Variants in RIF1 observed in about 807,000 individuals in gnomAD.
The protein encoded by RIF1 is telomere-associated protein RIF1.
A neutral mutation model predicts 247.1 loss-of-function variants in RIF1; 45 were observed. The ratio of observed to expected loss-of-function variants is 0.18; its 90% CI spans 0.14 to 0.23. The LOEUF (loss-of-function observed/expected upper bound fraction) is 0.23, where lower values mean the gene tolerates loss of function less well. Among genes scored for constraint, RIF1 ranks in the 10% least tolerant of loss-of-function variants. The probability of loss-of-function intolerance (pLI) is 1.00; values close to 1 mark genes in which losing one functional copy is unlikely to be tolerated. For synonymous variants in RIF1, 1,087 were observed against 978.8 expected (o/e 1.11, Z -2.06); for missense variants, 2,967 against 2,862.5 (o/e 1.04, Z -0.83).
intron 9 of RIF1, chr2:151,492,712 C>T: frequency 5.4e-6 from 2 of 367,850 alleles, no homozygotes; most frequent in Non-Finnish European, 9.8e-6. Context: ...GAAAATGAAA[C>T]TCATTTTCAA....
the RIF1 span, chr2:151,525,140 G>T: frequency 1.3e-6 from 2 of 1,533,070 alleles, no homozygotes; most frequent in Non-Finnish European, 1.8e-6. Flanking sequence ...GGGCCCCCAA[G>T]AGTGTTGAGA....
At chr2:151,416,983 G>T in intron 6 of RIF1, 82 bp downstream of exon 6, 1 of 1,039,568 alleles carries the variant, frequency 9.6e-7, no homozygotes. Context: ...ATTTAAATGA[G>T]AGACAGACAT....
the RIF1 span, among the ~76,000 whole-genome samples, chr2:151,514,007 A>G: frequency 5.4e-4 from 83 of 152,394 alleles, no homozygotes; most frequent in African/African-American, 2.0e-3. Flanking sequence ...CTAAGATTAC[A>G]CTTAGGTGCA....
At chr2:151,472,210 A>G (rs928868664) in intron 34 of RIF1, among the ~76,000 whole-genome samples, 1 of 152,118 alleles carries the variant, frequency 6.6e-6, no homozygotes, top group African/African-American at 2.4e-5. Flanking sequence ...TGATTTTTGC[A>G]CATTGATTTT....
Position 151,438,709 on chromosome 2 carries a change from G to A in RIF1, c.1509G>A (p.Lys503=), listed in dbSNP as rs1243403700. ...APDVVVSAIW[K]ELISLVKSVT... ...ATGTGGTTGTCAGTGCTATCTGGAA[G>A]GAGCTAATTAGCTTGGTGAAGTCAG... The change falls in exon 14 of 36, where the codon AAG becomes AAA. Residue 503 remains lysine (K), a synonymous_variant. Transcript: ENST00000444746. The A allele has an allele frequency of 2.5e-6, 4 of 1,612,964 alleles. No individual in the cohort carries two copies. Among genetic ancestry groups the A allele is most frequent in the Non-Finnish European group, 3.4e-6 (4 of 1,178,984 alleles).
At chr2:151,417,170 ATATCT>A (rs1343907315) in intron 6 of RIF1, among the ~76,000 whole-genome samples, 1 of 152,196 alleles carries the variant, frequency 6.6e-6, no homozygotes, top group African/African-American at 2.4e-5. Flanking sequence ...GGTTTGAAAA[ATATCT>A]TAAAGTTTGT....
intron 2 of RIF1, 70 bp downstream of exon 2, chr2:151,410,597 G>A: frequency 8.1e-7 from 1 of 1,239,374 alleles, no homozygotes; most frequent in Non-Finnish European, 1.2e-6. Flanking sequence ...GTGGTTGGGA[G>A]GGGCGCGTAG....
intron 21 of RIF1, among the ~76,000 whole-genome samples, chr2:151,451,919 A>G (rs1694380149): frequency 6.6e-6 from 1 of 152,054 alleles, no homozygotes; most frequent in Non-Finnish European, 1.5e-5. Flanking sequence ...TATCTCTATC[A>G]CACAAAATTT....
At chr2:151,492,494 C>T (rs768906941) in intron 9 of RIF1, 1 of 1,606,344 alleles carries the variant, frequency 6.2e-7, no homozygotes, top group Non-Finnish European at 8.5e-7. Flanking sequence ...GAATAAAGAA[C>T]CTGATGCAGG....
At position 151,420,364 on chromosome 2, in the gene RIF1, G is replaced by C. The variant is rs766448347; in HGVS notation, c.678G>C (p.Glu226Asp). The C allele has an allele frequency of 6.2e-7, 1 of 1,614,066 alleles. No homozygotes were observed. The highest frequency in any genetic ancestry group is 1.1e-5 in the South Asian group (1 of 91,066). Residue 226 changes from glutamate to aspartate, a missense_variant, in exon 7 of 36, where the codon GAG becomes GAC. Physicochemically the swap from Glu to Asp is conservative, Grantham distance 45. Around this residue, in one of 7 missense-constraint regions of RIF1, gnomAD observed 269 missense variants for 288.6 expected, o/e 0.93. Coordinates refer to ENST00000444746, the MANE Select transcript of RIF1 (RefSeq NM_018151.5). Reference sequence around the variant, plus strand: ...AGCAAGAAATAGCATCTATTACGGAGCAGCTTATGACTACTGTGAGTGTTC... The same window carrying C: ...AGCAAGAAATAGCATCTATTACGGACCAGCTTATGACTACTGTGAGTGTTC... ...QKQQEIASIT[E>D]QLMTTKLISE...
intron 9 of RIF1, among the ~76,000 whole-genome samples, chr2:151,432,150 A>T (rs963538378): frequency 1.6e-4 from 24 of 152,228 alleles, no homozygotes; most frequent in African/African-American, 5.8e-4. Flanking sequence ...CTGGTATTAC[A>T]GGAGCCACCG....
At chr2:151,532,204 C>A in the RIF1 span, 6 of 226,354 alleles carry the variant, frequency 2.7e-5, no homozygotes, top group African/African-American at 1.4e-4. Flanking sequence ...TCAAGCAATT[C>A]TTCTGCCTCA....
chr2:151,438,813 C>A, intron 14 of RIF1, 67 bp downstream of exon 14: 2 of 924,886 alleles, frequency 2.2e-6, no homozygotes, highest in South Asian at 1.4e-5. Flanking sequence ...ATTTTTATAG[C>A]ATCCGGTGAA....
intron 27 of RIF1, 77 bp downstream of exon 27, chr2:151,461,366 G>A (rs1387077609): frequency 7.9e-7 from 1 of 1,266,032 alleles, no homozygotes; most frequent in African/African-American, 1.5e-5. Flanking sequence ...GTAACTTTGT[G>A]TTTAGAACTA....
chr2:151,490,583 A>G, intron 9 of RIF1: 1 of 1,541,852 alleles, frequency 6.5e-7, no homozygotes, highest in Non-Finnish European at 8.8e-7. Flanking sequence ...AATGCCTAAC[A>G]GTGATTGAAT....
At chr2:151,432,135 A>C (rs1690270406) in intron 9 of RIF1, among the ~76,000 whole-genome samples, 2 of 151,990 alleles carry the variant, frequency 1.3e-5, no homozygotes, top group Admixed American at 6.6e-5. Flanking sequence ...TAGGCTCCTG[A>C]GTAGCTGGTA....
intron 10 of RIF1, chr2:151,497,298 T>C (rs2060880382): frequency 2.1e-6 from 2 of 971,966 alleles, no homozygotes; most frequent in African/African-American, 3.5e-5. Context: ...TTTTTCCTTT[T>C]TTGTGAGTAC....
chr2:151,460,325 A>G (rs920164010), intron 26 of RIF1, among the ~76,000 whole-genome samples: 1 of 152,196 alleles, frequency 6.6e-6, no homozygotes, highest in Non-Finnish European at 1.5e-5. Context: ...AGGAAAGGTA[A>G]GTTTCTGTGT....
intron 12 of RIF1, chr2:151,505,668 A>C: frequency 1.0e-6 from 1 of 996,250 alleles, no homozygotes; most frequent in African/African-American, 1.6e-5. Flanking sequence ...AAATTAAAAA[A>C]ATTAACAGTG....
Sources: gnomAD v4.1 joint callset for allele counts (sites outside exome capture counted in the v4.1 genomes callset) on GRCh38, gnomAD v4.1.1 for gene constraint, gnomAD v4.1.1 regional missense constraint, MANE v1.5 for transcripts, NCBI Gene and HGNC (gene_info 2026-07-23, HGNC 2026-07-21) for gene names.